Variants in TRPM1 observed in about 807,000 individuals in gnomAD.
TRPM1 encodes transient receptor potential cation channel subfamily M member 1, also known as TRPM1-203 APA Isoform, Intron 10.
A neutral mutation model predicts 149.4 loss-of-function variants in TRPM1; 113 were observed. The ratio of observed to expected loss-of-function variants is 0.76; its 90% CI spans 0.65 to 0.88. TRPM1 has a LOEUF of 0.88. TRPM1 is among the 40% of genes least tolerant of loss of function. The probability of loss-of-function intolerance (pLI) is 0.00; values close to 1 mark genes in which losing one functional copy is unlikely to be tolerated. For synonymous variants in TRPM1, 741 were observed against 759.5 expected (o/e 0.98, Z 0.40); for missense variants, 1,976 against 2,038.7 (o/e 0.97, Z 0.59).
chr15:31,119,236 C>T (rs901553275), intron 1 of TRPM1, among the ~76,000 whole-genome samples: 1 of 110,440 alleles, frequency 9.1e-6, no homozygotes, highest in Non-Finnish European at 2.0e-5. Context: ...AGTGAAACTC[C>T]ATCTCAAAAA....
Position 31,136,749 on chromosome 15 carries a change from C to CTTTTTTTTTT in TRPM1, c.54+24147_54+24156dup, listed in dbSNP as rs60370849. ...TCTGCTTTCCTCAGCCGCCCCCACC[C>CTTTTTTTTTT]TTTTTTTTTTTTTTGCCTATAAAGC... On this transcript the variant is annotated intron_variant, in intron 1 of 26. Transcript: ENST00000542188. 1.5e-5 allele frequency among the ~76,000 whole-genome samples: 2 copies of CTTTTTTTTTT among 137,860 alleles called. 1 individual carries two copies. The allele number at this position is 137,860 out of a possible 152,430, so 90.4% of individuals were successfully genotyped here. A position where few individuals can be genotyped will look rare whatever the true frequency, so the allele number is the denominator to read the frequency against.
chr15:31,080,679 C>A (rs1270996684), intron 2 of TRPM1, among the ~76,000 whole-genome samples: 4 of 121,510 alleles, frequency 3.3e-5, no homozygotes, highest in African/African-American at 1.2e-4. Flanking sequence ...CCCCCTGTTA[C>A]CTCTCACGGT....
intron 2 of TRPM1, among the ~76,000 whole-genome samples, chr15:31,079,282 T>C (rs998458992): frequency 1.3e-5 from 2 of 152,252 alleles, no homozygotes; most frequent in African/African-American, 2.4e-5. Flanking sequence ...CCAGTTTCTA[T>C]GGACCAGGAG....
intron 4 of TRPM1, 37 bp from the exon 5 acceptor site, chr15:31,068,129 G>T (rs2034434787): frequency 6.3e-7 from 1 of 1,589,860 alleles, no homozygotes; most frequent in South Asian, 1.1e-5. Context: ...CTCTGTTCTT[G>T]GTTTTGCTTC....
At chr15:31,087,231 A>ATTTTTTTTTTTTTTTTTT (rs58872566) in intron 1 of TRPM1, among the ~76,000 whole-genome samples, 1 of 59,444 alleles carries the variant, frequency 1.7e-5, no homozygotes, top group African/African-American at 7.1e-5. Context: ...CTCAATAGGG[A>ATTTTTTTTTTTTTTTTTT]TTTTTTTTTT....
In TRPM1 at chr15:31,042,240, C is replaced by T. The variant is rs1224703952; in HGVS notation, c.1798G>A (p.Asp600Asn). 1.3e-6 allele frequency: 2 copies of T among 1,571,392 alleles called. No homozygotes were observed. Among genetic ancestry groups the T allele is most frequent in the Admixed American group, 3.8e-5 (2 of 53,116 alleles). ...TTCTTCCCTTTAGCTGGAGGCTCAT[C>T]ATCCTGAGGGGAGAAACATGGATTT... The part of the protein sequence containing the change: ...KALKLLGMED[D>N]EPPAKGKKKK... The change falls in exon 17 of 28, where the codon GAT (aspartate) becomes AAT (asparagine). Residue 600 changes from aspartate to asparagine, a missense_variant. Asp to Asn is a conservative substitution (Grantham distance 23). Around this residue, in one of 3 missense-constraint regions of TRPM1, gnomAD observed 1,332 missense variants for 1,347.1 expected, o/e 0.99. Coordinates refer to ENST00000256552, the MANE Select transcript of TRPM1 (RefSeq NM_001252024.2).
intron 1 of TRPM1, among the ~76,000 whole-genome samples, chr15:31,084,644 C>CA (rs2034947938): frequency 1.3e-5 from 2 of 151,004 alleles, no homozygotes; most frequent in African/African-American, 4.9e-5. Flanking sequence ...ATCAGTAAGA[C>CA]ATTTTTTCTC....
chr15:31,032,483 CCTCAA>C (rs144230248), intron 22 of TRPM1, among the ~76,000 whole-genome samples: 2,047 of 152,038 alleles, frequency 0.013, 49 homozygotes, highest in African/African-American at 0.047. Flanking sequence ...CACAGTAGGC[CCTCAA>C]CTCATGTTTT....
intron 2 of TRPM1, among the ~76,000 whole-genome samples, chr15:31,078,772 C>A (rs1405451738): frequency 6.6e-6 from 1 of 152,214 alleles, no homozygotes; most frequent in East Asian, 1.9e-4. Context: ...CCCTTTGCAT[C>A]TCATGCCTTA....
chr15:31,134,963 A>G (rs1231125142), intron 1 of TRPM1, among the ~76,000 whole-genome samples: 2 of 151,972 alleles, frequency 1.3e-5, no homozygotes, highest in Non-Finnish European at 2.9e-5. Flanking sequence ...CCAAGATCGT[A>G]CTCCAGCCTG....
At position 31,068,048 on chromosome 15, in the gene TRPM1, A is replaced by T; in HGVS notation, c.324T>A (p.His108Gln). ...SYDTKPDSLL[H>Q]LMVKDWQLEL... ...CCAGCTGCCAATCTTTCACCATGAG[A>T]TGGAGCAGTGAGTCTGGCTTGGTGT... The change falls in exon 5 of 28, where the codon CAT (histidine) becomes CAA (glutamine). Residue 108 changes from histidine (H) to glutamine (Q), a missense_variant. His to Gln is a conservative substitution (Grantham distance 24). This residue lies in a region of TRPM1 where 1,332 missense variants were observed against 1,347.1 expected (regional missense o/e 0.99). Transcript: ENST00000256552. The T allele has an allele frequency of 6.2e-7, 1 of 1,614,210 alleles. No homozygotes were observed. The highest frequency in any genetic ancestry group is 8.5e-7 in the Non-Finnish European group (1 of 1,180,040).
chr15:31,055,130 G>C (rs2034049104), intron 11 of TRPM1, among the ~76,000 whole-genome samples: 1 of 152,176 alleles, frequency 6.6e-6, no homozygotes, highest in Non-Finnish European at 1.5e-5. Context: ...ATTCTAGATA[G>C]ACTATAGATT....
rs183856964 is a variant in TRPM1 at position 31,042,251 on chromosome 15, G to C, written c.1795-8C>G. 567 of 1,560,928 alleles carry C rather than the reference G, an allele frequency of 3.6e-4. 1 individual carries two copies. Among genetic ancestry groups the C allele is most frequent in the Middle Eastern group, 1.0e-3 (6 of 5,920 alleles). On this transcript the variant is annotated splice_region_variant and splice_polypyrimidine_tract_variant and intron_variant, in intron 16 of 27. Transcript: ENST00000256552. The stretch of plus-strand genomic sequence containing the variant: ...AGCTGGAGGCTCATCATCCTGAGGG[G>C]AGAAACATGGATTTCATGGTTTTGC...
intron 1 of TRPM1, among the ~76,000 whole-genome samples, chr15:31,117,106 T>A (rs1338759350): frequency 6.6e-6 from 1 of 152,122 alleles, no homozygotes; most frequent in Non-Finnish European, 1.5e-5. Flanking sequence ...TCCCAACACT[T>A]TGGGAGGCCG....
At chr15:31,072,012 TATATATAGAGAGAGAG>T (rs1435183784) in intron 3 of TRPM1, among the ~76,000 whole-genome samples, 11 of 28,498 alleles carry the variant, frequency 3.9e-4, no homozygotes, top group Non-Finnish European at 6.9e-4. Flanking sequence ...TATATATATA[TATATATAGAGAGAGAG>T]AGAGAGAGAG....
chr15:31,049,227 C>A, intron 13 of TRPM1, 148 bp downstream of exon 13: 1 of 1,112,064 alleles, frequency 9.0e-7, no homozygotes, highest in Non-Finnish European at 1.4e-6. Flanking sequence ...CTGTGGCCAG[C>A]AGCAGGTGAG....
At chr15:31,141,662 A>AT (rs909156858) in intron 1 of TRPM1, among the ~76,000 whole-genome samples, 25 of 152,278 alleles carry the variant, frequency 1.6e-4, no homozygotes, top group Admixed American at 1.4e-3. Context: ...AAAAAAGTAT[A>AT]TTTTTGTCTT....
intron 27 of TRPM1, among the ~76,000 whole-genome samples, chr15:31,004,387 T>G (rs1165203910): frequency 6.6e-6 from 1 of 151,762 alleles, no homozygotes; most frequent in Non-Finnish European, 1.5e-5. Flanking sequence ...TCTCCTGAAC[T>G]CCACCCCCAC....
At chr15:31,038,747 T>C (rs903292042) in intron 18 of TRPM1, among the ~76,000 whole-genome samples, 1 of 151,928 alleles carries the variant, frequency 6.6e-6, no homozygotes, top group African/African-American at 2.4e-5. Flanking sequence ...TAAAAGTCCT[T>C]ACATGAAATT....
Sources: allele counts gnomAD v4.1 joint callset (sites outside exome capture counted in the v4.1 genomes callset), GRCh38; gene constraint gnomAD v4.1.1; regional missense constraint gnomAD v4.1.1; transcripts MANE v1.5; gene names NCBI Gene and HGNC (gene_info 2026-07-23, HGNC 2026-07-21).